GRM8: variants seen among roughly 807,000 people sequenced by gnomAD.
GRM8 encodes glutamate metabotropic receptor 8, also known as metabotropic glutamate receptor 8.
Under a neutral mutation model 87.2 loss-of-function variants are expected in GRM8, and 47 were observed. The ratio of observed to expected loss-of-function variants is 0.54; its 90% CI spans 0.43 to 0.69. The LOEUF (loss-of-function observed/expected upper bound fraction) is 0.69, where lower values mean the gene tolerates loss of function less well. Among genes scored for constraint, GRM8 ranks in the 30% least tolerant of loss-of-function variants. GRM8 has a pLI of 0.00. For synonymous variants in GRM8, 396 were observed against 404.5 expected, an observed-to-expected ratio of 0.98 and a Z score of 0.25; for missense variants, 1,019 against 1,139.2, an observed-to-expected ratio of 0.89 and a Z score of 1.52.
Position 127,242,757 on chromosome 7 carries a change from C to T in GRM8, c.448G>A (p.Val150Ile), listed in dbSNP as rs780348891. 40 of 1,614,088 alleles carry T rather than the reference C, an allele frequency of 2.5e-5. No individual in the cohort carries two copies. Among genetic ancestry groups the T allele is most frequent in the East Asian group, 1.1e-4 (5 of 44,898 alleles). Residue 150 changes from valine to isoleucine, a missense_variant, in exon 2 of 11, where the codon GTC becomes ATC. By Grantham distance (29) the Val-to-Ile change is conservative. Coordinates refer to ENST00000339582, the MANE Select transcript of GRM8 (RefSeq NM_000845.3). ...ACGGAGCTTGCTGCAGCACCTATGA[C>T]GCCAGAAATCTTGTCGGGCTTGGTG... ...IFTKPDKISG[V>I]IGAAASSVSI...
intron 6 of GRM8, among the ~76,000 whole-genome samples, chr7:126,890,882 A>T (rs1238755509): frequency 6.6e-6 from 1 of 151,676 alleles, no homozygotes; most frequent in Non-Finnish European, 1.5e-5. Flanking sequence ...TGCAATTTCC[A>T]CTCCACATAC....
intron 8 of GRM8, among the ~76,000 whole-genome samples, chr7:126,569,503 C>T (rs1794518146): frequency 1.3e-5 from 2 of 152,164 alleles, no homozygotes; most frequent in Non-Finnish European, 2.9e-5. Context: ...TTTGTGTCCA[C>T]ATCAGAGCTG....
chr7:126,488,829 T>A (rs1349433961), intron 9 of GRM8, among the ~76,000 whole-genome samples: 2 of 152,010 alleles, frequency 1.3e-5, no homozygotes, highest in African/African-American at 4.8e-5. Flanking sequence ...ATAATGATGA[T>A]AATATCTTGA....
intron 6 of GRM8, among the ~76,000 whole-genome samples, chr7:126,898,743 C>A (rs1352667840): frequency 6.6e-6 from 1 of 152,146 alleles, no homozygotes; most frequent in East Asian, 1.9e-4. Flanking sequence ...CAGCTACATA[C>A]CTCAACTGAA....
At chr7:126,936,043 G>A (rs1233616679) in intron 3 of GRM8, among the ~76,000 whole-genome samples, 1 of 152,082 alleles carries the variant, frequency 6.6e-6, no homozygotes, top group Non-Finnish European at 1.5e-5. Flanking sequence ...CTCTATCTGG[G>A]CTGGCAACAA....
intron 2 of GRM8, among the ~76,000 whole-genome samples, chr7:127,241,192 T>C (rs1466174029): frequency 1.3e-5 from 2 of 152,190 alleles, no homozygotes; most frequent in Non-Finnish European, 2.9e-5. Context: ...GGGAAATCCA[T>C]ACAGAGGCTG....
intron 2 of GRM8, among the ~76,000 whole-genome samples, chr7:127,127,714 A>T (rs1376940843): frequency 1.3e-5 from 2 of 152,064 alleles, no homozygotes; most frequent in African/African-American, 4.8e-5. Context: ...TGTGATATAC[A>T]GGTTTATATA....
At chr7:127,087,496 T>C (rs1823631240) in intron 3 of GRM8, among the ~76,000 whole-genome samples, 1 of 152,110 alleles carries the variant, frequency 6.6e-6, no homozygotes, top group African/African-American at 2.4e-5. Context: ...AATCAGCCCA[T>C]TACAGAAAGA....
intron 6 of GRM8, among the ~76,000 whole-genome samples, chr7:126,876,966 C>T (rs1799574065): frequency 6.6e-6 from 1 of 151,238 alleles, no homozygotes; most frequent in African/African-American, 2.4e-5. Context: ...TCCATGTTGC[C>T]TCTATTCAGC....
intron 7 of GRM8, among the ~76,000 whole-genome samples, chr7:126,625,183 T>A (rs1800551914): frequency 6.6e-6 from 1 of 152,186 alleles, no homozygotes; most frequent in Non-Finnish European, 1.5e-5. Flanking sequence ...TATCAGACAC[T>A]GGCATGGATT....
At chr7:127,085,644 T>G (rs1823393151) in intron 3 of GRM8, among the ~76,000 whole-genome samples, 2 of 152,194 alleles carry the variant, frequency 1.3e-5, no homozygotes, top group South Asian at 4.1e-4. Context: ...TTTACCCACG[T>G]TTTGATGGGG....
intron 8 of GRM8, among the ~76,000 whole-genome samples, chr7:126,567,528 G>A (rs1056570960): frequency 6.6e-6 from 1 of 152,100 alleles, no homozygotes; most frequent in African/African-American, 2.4e-5. Context: ...TGCACGTTGT[G>A]CACATGTACC....
chr7:127,130,790 A>G (rs140517639), intron 2 of GRM8, among the ~76,000 whole-genome samples: 5 of 152,186 alleles, frequency 3.3e-5, no homozygotes, highest in African/African-American at 1.2e-4. Flanking sequence ...AGTTTCCCAC[A>G]TGCTGTTTTT....
At chr7:126,887,729 T>A (rs1026521682) in intron 6 of GRM8, among the ~76,000 whole-genome samples, 4 of 152,096 alleles carry the variant, frequency 2.6e-5, no homozygotes, top group Non-Finnish European at 5.9e-5. Context: ...CATTTAAACA[T>A]TTAATCAAAC....
intron 3 of GRM8, among the ~76,000 whole-genome samples, chr7:126,931,880 T>A (rs1020599033): frequency 6.6e-6 from 1 of 152,226 alleles, no homozygotes; most frequent in African/African-American, 2.4e-5. Flanking sequence ...TAATTTATCA[T>A]GGTTGCTTTG....
intron 3 of GRM8, among the ~76,000 whole-genome samples, chr7:127,018,084 G>A (rs1309970111): frequency 1.3e-5 from 2 of 151,846 alleles, no homozygotes; most frequent in Non-Finnish European, 2.9e-5. Flanking sequence ...GTGAAGAACA[G>A]AGCAAAGCAC....
At chr7:127,046,749 T>C (rs1470967555) in intron 3 of GRM8, among the ~76,000 whole-genome samples, 1 of 152,228 alleles carries the variant, frequency 6.6e-6, no homozygotes, top group Non-Finnish European at 1.5e-5. Flanking sequence ...ACAAATTTAC[T>C]TTCTTCTTTC....
chr7:126,869,307 G>A (rs1798877850), intron 6 of GRM8: 1 of 152,108 alleles, frequency 6.6e-6, no homozygotes, highest in East Asian at 1.9e-4. Context: ...ATTTATAAGA[G>A]ATGAAATCAA....
At chr7:126,446,449 T>G in intron 9 of GRM8, 77 bp from the exon 10 acceptor site, 6 of 989,360 alleles carry the variant, frequency 6.1e-6, no homozygotes, top group African/African-American at 1.6e-5. Context: ...TACTATTTTC[T>G]AAAATTGTTC....
Sources: allele counts gnomAD v4.1 joint callset (sites outside exome capture counted in the v4.1 genomes callset), GRCh38; gene constraint gnomAD v4.1.1; transcripts MANE v1.5; gene names NCBI Gene and HGNC (gene_info 2026-07-23, HGNC 2026-07-21).